FRMD4A: variants seen among roughly 807,000 people sequenced by gnomAD.
FRMD4A encodes the protein FERM domain-containing protein 4A.
Under a neutral mutation model 129.1 loss-of-function variants are expected in FRMD4A, and 29 were observed. That is an observed-to-expected ratio of 0.22 (90% CI 0.17 to 0.31). The LOEUF is 0.31. Ranked by LOEUF, FRMD4A falls within the 10% of genes least tolerant of loss-of-function variation. FRMD4A has a pLI of 1.00. For missense variants in FRMD4A, 1,272 were observed against 1,375.8 expected, an observed-to-expected ratio of 0.92 and a Z score of 1.19; for synonymous variants, 634 against 571.6, an observed-to-expected ratio of 1.11 and a Z score of -1.56.
chr10:14,052,803 A>T (rs1450621783), intron 2 of FRMD4A, among the ~76,000 whole-genome samples: 2 of 151,964 alleles, frequency 1.3e-5, no homozygotes, highest in African/African-American at 4.8e-5. Context: ...ACCTCAAGTG[A>T]TCCAACCACC....
At chr10:13,953,092 A>C (rs1043151432) in intron 2 of FRMD4A, among the ~76,000 whole-genome samples, 2 of 152,100 alleles carry the variant, frequency 1.3e-5, no homozygotes, top group Non-Finnish European at 2.9e-5. Context: ...TGAGGACTAA[A>C]TTATCTCCAG....
In FRMD4A at chr10:13,682,961, G is replaced by A. The variant is rs919597646; in HGVS notation, c.1118-7917C>T. Among the ~76,000 whole-genome samples the A allele has an allele frequency of 8.5e-5, 13 of 152,198 alleles. 1 individual carries two copies. Among genetic ancestry groups the A allele is most frequent in the Admixed American group, 7.2e-4 (11 of 15,276 alleles). ...TGGGCTGCCCTGGTAAACCTGTGTA[G>A]AAAGCAGTCACATCGACTCCCAAGT... On this transcript the variant is annotated intron_variant, in intron 15 of 24. Coordinates refer to ENST00000357447, the MANE Select transcript of FRMD4A (RefSeq NM_018027.5).
chr10:14,008,574 G>A (rs1368047704), intron 2 of FRMD4A: 2 of 900,686 alleles, frequency 2.2e-6, no homozygotes, highest in Non-Finnish European at 2.7e-6. Flanking sequence ...TCTATCAGAC[G>A]TATTATTCAT....
At chr10:13,829,288 T>A (rs1316993156) in intron 3 of FRMD4A, among the ~76,000 whole-genome samples, 1 of 151,894 alleles carries the variant, frequency 6.6e-6, no homozygotes, top group Non-Finnish European at 1.5e-5. Flanking sequence ...ACTTTGGGGG[T>A]CCGAGGCAGG....
At chr10:13,798,273 C>A (rs112440128) in intron 4 of FRMD4A, among the ~76,000 whole-genome samples, 2 of 151,848 alleles carry the variant, frequency 1.3e-5, no homozygotes, top group African/African-American at 4.8e-5. Flanking sequence ...TTAGCTGGAC[C>A]TGGTGGCAGG....
intron 2 of FRMD4A, among the ~76,000 whole-genome samples, chr10:13,898,372 A>C (rs1041031980): frequency 6.6e-6 from 1 of 152,154 alleles, no homozygotes. Context: ...TCTCAAAAAA[A>C]TAAAAAAATA....
chr10:13,771,676 T>C (rs2092457665), intron 6 of FRMD4A, among the ~76,000 whole-genome samples: 1 of 152,174 alleles, frequency 6.6e-6, no homozygotes, highest in African/African-American at 2.4e-5. Context: ...GAAGCATATT[T>C]CAGCCCATCT....
intron 2 of FRMD4A, among the ~76,000 whole-genome samples, chr10:14,259,473 G>A (rs1241170608): frequency 6.6e-6 from 1 of 152,066 alleles, no homozygotes; most frequent in Admixed American, 6.5e-5. Context: ...ATGATGCAGT[G>A]AGATCAGTAT....
At position 14,012,673 on chromosome 10, in the gene FRMD4A, G is replaced by C. The variant is rs142093857; in HGVS notation, c.46-153761C>G. On this transcript the variant is annotated intron_variant, in intron 2 of 24. Coordinates refer to ENST00000357447, the MANE Select transcript of FRMD4A (RefSeq NM_018027.5). ...GCGGATGCATGCTGAAAAGCCACGT[G>C]AAGGGTAAATGATCTCCTGATGGAA... is the stretch of plus-strand genomic sequence containing the variant. Among the ~76,000 whole-genome samples the C allele has an allele frequency of 2.5e-3, 378 of 152,306 alleles. 1 individual carries two copies. Among genetic ancestry groups the C allele is most frequent in the Non-Finnish European group, 4.5e-3 (304 of 68,028 alleles).
chr10:13,852,204 G>C (rs763771945), intron 3 of FRMD4A, among the ~76,000 whole-genome samples: 4 of 151,822 alleles, frequency 2.6e-5, no homozygotes, highest in Non-Finnish European at 4.4e-5. Context: ...CCATCCAAAA[G>C]AAATACAACG....
intron 2 of FRMD4A, among the ~76,000 whole-genome samples, chr10:14,022,868 T>C (rs1832822688): frequency 6.6e-6 from 1 of 152,028 alleles, no homozygotes; most frequent in Admixed American, 6.5e-5. Flanking sequence ...GTAGGGGAAG[T>C]TAAGGAGAGA....
intron 5 of FRMD4A, among the ~76,000 whole-genome samples, chr10:13,783,547 A>ATTTTTT (rs57973701): frequency 2.1e-5 from 3 of 145,870 alleles, no homozygotes; most frequent in Non-Finnish European, 1.5e-5. Flanking sequence ...ACCACGCCTA[A>ATTTTTT]TTTTTTTTTT....
intron 2 of FRMD4A, among the ~76,000 whole-genome samples, chr10:14,119,255 G>A (rs554635239): frequency 2.6e-5 from 4 of 152,242 alleles, no homozygotes; most frequent in South Asian, 2.1e-4. Context: ...AGCACCTATC[G>A]GGAGCATCCT....
At chr10:14,300,848 T>A (rs1846160073) in intron 2 of FRMD4A, among the ~76,000 whole-genome samples, 1 of 152,202 alleles carries the variant, frequency 6.6e-6, no homozygotes, top group Admixed American at 6.5e-5. Context: ...ATCTCACCTT[T>A]TCCCTTTGCT....
chr10:13,707,746 T>C, intron 12 of FRMD4A: 2 of 984,966 alleles, frequency 2.0e-6, no homozygotes, highest in Non-Finnish European at 2.4e-6. Context: ...CCCATTCTTC[T>C]TGCTGCAGCA....
At chr10:13,984,711 C>T (rs1053355382) in intron 2 of FRMD4A, among the ~76,000 whole-genome samples, 7 of 152,198 alleles carry the variant, frequency 4.6e-5, no homozygotes, top group Non-Finnish European at 1.0e-4. Flanking sequence ...TCAGAATTCG[C>T]TTCCTTTTTA....
intron 2 of FRMD4A, among the ~76,000 whole-genome samples, chr10:14,178,011 C>A (rs1023379669): frequency 6.6e-6 from 1 of 152,192 alleles, no homozygotes; most frequent in Non-Finnish European, 1.5e-5. Flanking sequence ...GTGGCAGGCA[C>A]TGGGCTAAGT....
intron 2 of FRMD4A, among the ~76,000 whole-genome samples, chr10:14,284,437 A>G (rs1269962287): frequency 6.6e-6 from 1 of 152,182 alleles, no homozygotes; most frequent in Non-Finnish European, 1.5e-5. Flanking sequence ...TCACGAGATC[A>G]GGACATCAAG....
rs146394579 is a variant in FRMD4A, at chr10:14,056,055, G to A, written c.46-197143C>T. On this transcript the variant is annotated intron_variant, in intron 2 of 24. Coordinates refer to ENST00000357447, the MANE Select transcript of FRMD4A (RefSeq NM_018027.5). ...GTTCACGTCATTCTTTTTTAGAGAT[G>A]TAGTCTCACTCTGTCGCCCAGGCTG... Among the ~76,000 whole-genome samples, 144 of 152,164 alleles carry A rather than the reference G, an allele frequency of 9.5e-4. 1 individual carries two copies. Among genetic ancestry groups the A allele is most frequent in the African/African-American group, 3.4e-3 (142 of 41,516 alleles).
Sources: allele counts gnomAD v4.1 joint callset (sites outside exome capture counted in the v4.1 genomes callset), GRCh38; gene constraint gnomAD v4.1.1; transcripts MANE v1.5; gene names NCBI Gene and HGNC (gene_info 2026-07-23, HGNC 2026-07-21).